IQCH: variants seen among roughly 807,000 people sequenced by gnomAD.
IQCH encodes the protein IQ domain-containing protein H.
In IQCH, 98 loss-of-function variants were observed where a neutral mutation model predicts 117.0. That is an observed-to-expected ratio of 0.84 (90% confidence interval 0.71 to 0.99). The LOEUF (loss-of-function observed/expected upper bound fraction) is 0.99, where lower values mean the gene tolerates loss of function less well. Among genes scored for constraint, IQCH ranks in the 50% least tolerant of loss-of-function variants. The pLI, the probability that IQCH is intolerant of heterozygous loss-of-function variation, is 0.00. For synonymous variants in IQCH, 412 were observed against 448.2 expected, an observed-to-expected ratio of 0.92 and a Z score of 1.02; for missense variants, 1,102 against 1,243.8, an observed-to-expected ratio of 0.89 and a Z score of 1.72.
intron 2 of IQCH, among the ~76,000 whole-genome samples, chr15:67,262,031 G>GTAAGCCTTGA (rs1965482605): frequency 6.6e-6 from 1 of 152,080 alleles, no homozygotes; most frequent in Non-Finnish European, 1.5e-5. Context: ...TGAGGCTGCA[G>GTAAGCCTTGA]TAAGCCTTGA....
intron 4 of IQCH, among the ~76,000 whole-genome samples, chr15:67,301,379 A>C (rs569542726): frequency 3.6e-4 from 53 of 147,246 alleles, no homozygotes; most frequent in Admixed American, 9.5e-4. Flanking sequence ...AGTGAATTTC[A>C]GTGAAACATT....
chr15:67,292,931 G>C (rs1241708819), intron 4 of IQCH, among the ~76,000 whole-genome samples: 1 of 152,188 alleles, frequency 6.6e-6, no homozygotes, highest in Non-Finnish European at 1.5e-5. Context: ...TTCTAAAGCA[G>C]AGGGACTCTG....
rs1240154603 is a variant in IQCH, at chr15:67,330,543, A to C, written c.388-6432A>C. ...AGGAAGTGAGACTCCTACTGTATTT[A>C]AGTGGCACCAAGAAAGACCTGAGAA... is the stretch of plus-strand genomic sequence containing the variant. On this transcript the variant is annotated intron_variant, in intron 4 of 20. Transcript: ENST00000335894. Among the ~76,000 whole-genome samples the C allele has an allele frequency of 2.6e-5, 4 of 152,268 alleles. No individual in the cohort carries two copies. The East Asian group carries it at 5.8e-4, about 22-fold the overall frequency.
chr15:67,330,520 G>A (rs1032512454), intron 4 of IQCH, among the ~76,000 whole-genome samples: 2 of 152,130 alleles, frequency 1.3e-5, no homozygotes, highest in African/African-American at 2.4e-5. Context: ...TGACCAAGAG[G>A]AAGTGAGACT....
chr15:67,477,809 C>A (rs977051915), intron 18 of IQCH, among the ~76,000 whole-genome samples: 2 of 152,170 alleles, frequency 1.3e-5, no homozygotes, highest in African/African-American at 2.4e-5. Context: ...CTTCCCCCCA[C>A]ACAAAAGTGC....
At chr15:67,324,915 G>T (rs1020633063) in intron 4 of IQCH, among the ~76,000 whole-genome samples, 1 of 151,794 alleles carries the variant, frequency 6.6e-6, no homozygotes, top group African/African-American at 2.4e-5. Flanking sequence ...TCTGCTTGGG[G>T]TTCATCGTAT....
intron 16 of IQCH, among the ~76,000 whole-genome samples, chr15:67,442,860 ATAGATAT>A (rs2082308333): frequency 2.9e-5 from 4 of 139,994 alleles, no homozygotes; most frequent in African/African-American, 1.1e-4. Context: ...AGATAGATAG[ATAGATAT>A]ACATATATAT....
At chr15:67,278,965 T>A (rs561264696) in intron 3 of IQCH, among the ~76,000 whole-genome samples, 2 of 152,330 alleles carry the variant, frequency 1.3e-5, no homozygotes, top group Non-Finnish European at 2.9e-5. Flanking sequence ...TACAACTATA[T>A]AAAATAGCAG....
Position 67,386,354 on chromosome 15 carries a change from T to C in IQCH, c.1456+1335T>C, listed in dbSNP as rs1220910485. On this transcript the variant is annotated intron_variant, in intron 11 of 20. Transcript: ENST00000335894. The surrounding 1 kb of genome is among the most constrained non-coding windows in gnomAD (Gnocchi z 5.0). The stretch of plus-strand genomic sequence containing the variant: ...ACAACTCAATAATTCAGTCTGTCTC[T>C]ACCTGCAATGGAATATTTTGCTTAT... Among the ~76,000 whole-genome samples, 5 of 152,200 alleles carry C rather than the reference T, an allele frequency of 3.3e-5. No individual in the cohort carries two copies. Among genetic ancestry groups the C allele is most frequent in the Non-Finnish European group, 7.4e-5 (5 of 68,022 alleles).
intron 10 of IQCH, among the ~76,000 whole-genome samples, chr15:67,375,706 T>A (rs948964353): frequency 6.6e-6 from 1 of 152,054 alleles, no homozygotes; most frequent in Admixed American, 6.6e-5. Flanking sequence ...TTTAAAAGAT[T>A]AATTGCACAC....
rs1348450169 is a variant in IQCH, at chr15:67,411,731, T to C, written c.2098-5200T>C. Among the ~76,000 whole-genome samples, 2 of 152,202 alleles carry C rather than the reference T, an allele frequency of 1.3e-5. No individual in the cohort carries two copies. The highest frequency in any genetic ancestry group is 1.9e-4 in the East Asian group (1 of 5,196). On this transcript the variant is annotated intron_variant, in intron 14 of 20. Coordinates refer to ENST00000335894, the MANE Select transcript of IQCH (RefSeq NM_001031715.3). The surrounding 1 kb of genome is among the most constrained non-coding windows in gnomAD (Gnocchi z 4.4). Reference sequence around the variant, plus strand: ...GTAGAGTTTGAAGTAGCTTTAGTCATTGAGTGCAGTATTAAGCTTTAGTCA... The same window carrying C: ...GTAGAGTTTGAAGTAGCTTTAGTCACTGAGTGCAGTATTAAGCTTTAGTCA...
intron 8 of IQCH, among the ~76,000 whole-genome samples, chr15:67,362,392 G>T (rs1292751873): frequency 6.6e-6 from 1 of 152,118 alleles, no homozygotes; most frequent in Admixed American, 6.5e-5. Flanking sequence ...GAAAGAATGG[G>T]TTTGGGTGAT....
At chr15:67,344,224 G>T in intron 6 of IQCH, 33 bp downstream of exon 6, 1 of 1,603,164 alleles carries the variant, frequency 6.2e-7, no homozygotes, top group Non-Finnish European at 8.5e-7. Context: ...TTCAGTTGGG[G>T]ACACACAGAA....
intron 17 of IQCH, among the ~76,000 whole-genome samples, chr15:67,471,292 A>C (rs2083064803): frequency 2.6e-5 from 1 of 38,852 alleles, no homozygotes; most frequent in African/African-American, 1.0e-4. Flanking sequence ...ATATTTCCAA[A>C]TCATTATTTC....
At chr15:67,383,182 G>A (rs1478297421) in intron 10 of IQCH, among the ~76,000 whole-genome samples, 3 of 152,118 alleles carry the variant, frequency 2.0e-5, no homozygotes, top group Non-Finnish European at 4.4e-5. Flanking sequence ...TGTTTATAAA[G>A]CACTTTGCAG....
chr15:67,347,432 T>G (rs1302981755), intron 6 of IQCH, among the ~76,000 whole-genome samples: 1 of 152,054 alleles, frequency 6.6e-6, no homozygotes, highest in Non-Finnish European at 1.5e-5. Context: ...TTTATATTGA[T>G]GGACAAATTC....
chr15:67,495,678 T>G (rs2083785871), intron 20 of IQCH, among the ~76,000 whole-genome samples: 1 of 152,260 alleles, frequency 6.6e-6, no homozygotes, highest in Admixed American at 6.5e-5. Context: ...TGGGCTTGTC[T>G]CGCTGTGGGC....
At chr15:67,435,492 G>A (rs1042402421) in intron 16 of IQCH, among the ~76,000 whole-genome samples, 6 of 152,116 alleles carry the variant, frequency 3.9e-5, no homozygotes, top group East Asian at 1.9e-4. Context: ...GCTAAGGCAC[G>A]AGAATTGCTT....
At position 67,459,399 on chromosome 15, in the gene IQCH, T is replaced by C. The variant is rs2082735968; in HGVS notation, c.2506-5728T>C. On this transcript the variant is annotated intron_variant, in intron 16 of 20. Coordinates refer to ENST00000335894, the MANE Select transcript of IQCH (RefSeq NM_001031715.3). The surrounding 1 kb of genome is among the most constrained non-coding windows in gnomAD (Gnocchi z 4.2). ...CTAAACCCTTTGCTGAGAACTTTAT[T>C]TGCACAGAATGTAGGGCCTGAGCAC... Among the ~76,000 whole-genome samples, 1 of 152,152 alleles carries C rather than the reference T, an allele frequency of 6.6e-6. No homozygotes were observed. Among genetic ancestry groups the C allele is most frequent in the Admixed American group, 6.5e-5 (1 of 15,274 alleles).
Sources: gnomAD v4.1 joint callset for allele counts (sites outside exome capture counted in the v4.1 genomes callset) on GRCh38, gnomAD v4.1.1 for gene constraint, Gnocchi (gnomAD v3.1) non-coding constraint, MANE v1.5 for transcripts, NCBI Gene and HGNC (gene_info 2026-07-23, HGNC 2026-07-21) for gene names.